The following FNIP2 variants were observed in gnomAD, a reference collection of about 807,000 sequenced individuals.
The protein encoded by FNIP2 is folliculin-interacting protein 2.
FNIP2 carries 32 observed loss-of-function variants against 108.7 expected under a neutral mutation model. The observed-to-expected ratio is 0.29, with a 90% CI of 0.22 to 0.40. FNIP2 has a LOEUF of 0.40. Ranked by LOEUF, FNIP2 falls within the 10% of genes least tolerant of loss-of-function variation. FNIP2 has a pLI of 1.00. For missense variants in FNIP2, 1,202 were observed against 1,381.6 expected (o/e 0.87, Z 2.06); for synonymous variants, 480 against 496.7 (o/e 0.97, Z 0.45).
At position 158,859,644 on chromosome 4, in the gene FNIP2, A is replaced by G; in HGVS notation, c.1126A>G (p.Met376Val). 6.2e-7 allele frequency: 1 copy of G among 1,613,380 alleles called. No homozygotes were observed. The highest frequency in any genetic ancestry group is 1.3e-5 in the African/African-American group (1 of 75,030). ...LRVQFYVSRL[M>V]EALGEFRGTI... The stretch of plus-strand genomic sequence containing the variant: ...AGTCCAGTTTTATGTCAGCCGTTTG[A>G]TGGAAGCTCTGGGAGAATTCAGGTA... The change falls in exon 10 of 17, where the codon ATG becomes GTG. Residue 376 changes from methionine to valine, a missense_variant. Transcript: ENST00000264433.
Position 158,868,918 on chromosome 4 carries a change from C to T in FNIP2, c.2282C>T (p.Pro761Leu), listed in dbSNP as rs370786885. The T allele has an allele frequency of 1.4e-5, 23 of 1,613,936 alleles. No homozygotes were observed. Among genetic ancestry groups the T allele is most frequent in the South Asian group, 2.2e-5 (2 of 91,080 alleles). Residue 761 changes from proline (P) to leucine (L), a missense_variant, in exon 13 of 17, where the codon CCG (proline) becomes CTG (leucine). By Grantham distance (98) the Pro-to-Leu change is moderately conservative. This residue lies in a region of FNIP2 where 878 missense variants were observed against 990.3 expected (regional missense o/e 0.89). Transcript: ENST00000264433. The surrounding 1 kb of genome is among the most constrained non-coding windows in gnomAD (Gnocchi z 4.6). ...ASEAADVAQDPQVSRSPFKPG... is the reference protein window; with the variant it reads ...ASEAADVAQDLQVSRSPFKPG... ...GAGGCTGCTGATGTGGCTCAGGACCCGCAGGTTTCTAGGAGCCCTTTTAAA... is the reference window on the plus strand; with the variant it reads ...GAGGCTGCTGATGTGGCTCAGGACCTGCAGGTTTCTAGGAGCCCTTTTAAA...
chr4:158,836,279 TA>T (rs1479735244), intron 7 of FNIP2: 1 of 152,234 alleles, frequency 6.6e-6, no homozygotes, highest in Non-Finnish European at 1.5e-5. Flanking sequence ...CTGTCCACAC[TA>T]CTCCAAGGTC....
chr4:158,787,282 G>C (rs896962370), intron 1 of FNIP2, among the ~76,000 whole-genome samples: 4 of 152,168 alleles, frequency 2.6e-5, no homozygotes, highest in African/African-American at 7.2e-5. Context: ...ACTGAAGTTG[G>C]GAATTACATG....
chr4:158,859,286 T>A (rs754018559), intron 9 of FNIP2, 28 bp downstream of exon 9: 25 of 1,568,272 alleles, frequency 1.6e-5, no homozygotes, highest in Middle Eastern at 1.9e-4. Flanking sequence ...CAAAGTCAAA[T>A]AGAGAAGTGA....
intron 2 of FNIP2, among the ~76,000 whole-genome samples, chr4:158,827,079 G>A (rs939776642): frequency 6.6e-6 from 1 of 152,296 alleles, no homozygotes; most frequent in Admixed American, 6.5e-5. Flanking sequence ...TTTTAAAGTG[G>A]AGTTCTGCCA....
At chr4:158,898,994 C>A (rs1235020339) in intron 16 of FNIP2, among the ~76,000 whole-genome samples, 1 of 152,104 alleles carries the variant, frequency 6.6e-6, no homozygotes, top group Non-Finnish European at 1.5e-5. Context: ...AGAAATAGCT[C>A]TTATTATTTT....
intron 1 of FNIP2, among the ~76,000 whole-genome samples, chr4:158,803,711 C>T (rs1199182956): frequency 5.9e-5 from 9 of 152,096 alleles, no homozygotes; most frequent in Non-Finnish European, 1.3e-4. Flanking sequence ...GGCATTTTCA[C>T]TTTTAAAAAA....
chr4:158,770,142 T>G (rs1775647730), intron 1 of FNIP2, among the ~76,000 whole-genome samples: 1 of 151,446 alleles, frequency 6.6e-6, no homozygotes, highest in African/African-American at 2.4e-5. Flanking sequence ...AAAATCCAGC[T>G]GTCAGTGGTA....
At chr4:158,849,416 T>C (rs1479058653) in intron 7 of FNIP2, among the ~76,000 whole-genome samples, 1 of 152,166 alleles carries the variant, frequency 6.6e-6, no homozygotes, top group East Asian at 1.9e-4. Flanking sequence ...GGTATCATTT[T>C]CTGAGCCCTA....
rs778376794 is a variant in FNIP2, at chr4:158,891,491, G to A, written c.2995G>A (p.Ala999Thr). 1.9e-6 allele frequency: 3 copies of A among 1,607,950 alleles called. No individual in the cohort carries two copies. The highest frequency in any genetic ancestry group is 2.5e-6 in the Non-Finnish European group (3 of 1,177,102). Reference sequence around the variant, plus strand: ...AATAGCTGAAGCTGTCTGTATTATCGCAGACACGGATAAATGGAGTGTGCA... The same window carrying A: ...AATAGCTGAAGCTGTCTGTATTATCACAGACACGGATAAATGGAGTGTGCA... Reference protein sequence around the residue: ...EPIAEAVCIIADTDKWSVQVA... With the variant: ...EPIAEAVCIITDTDKWSVQVA... The change falls in exon 15 of 17, where the codon GCA (alanine) becomes ACA (threonine). Residue 999 changes from alanine to threonine, a missense_variant. Transcript: ENST00000264433.
intron 8 of FNIP2, 89 bp from the exon 9 acceptor site, chr4:158,858,968 G>A (rs1780138172): frequency 9.8e-7 from 1 of 1,019,108 alleles, no homozygotes; most frequent in Admixed American, 2.0e-5. Context: ...ATGACTGAAT[G>A]TTCTGGGTGT....
Position 158,769,212 on chromosome 4 carries a change from C to A in FNIP2, c.-1C>A. On this transcript the variant is annotated 5_prime_UTR_variant, in exon 1 of 17. Transcript: ENST00000264433. ...ACGGCCGGAGCTGCGGCGGCGGCAT[C>A]ATGGCCCCGACCCTGCTCCAGAAGC... is the stretch of plus-strand genomic sequence containing the variant. The A allele has an allele frequency of 7.0e-7, 1 of 1,432,750 alleles. No homozygotes were observed. The highest frequency in any genetic ancestry group is 9.2e-7 in the Non-Finnish European group (1 of 1,087,750). The allele number at this position is 1,432,750 out of a possible 1,614,324, so 88.8% of individuals were successfully genotyped here. A position where few individuals can be genotyped will look rare whatever the true frequency, so the allele number is the denominator to read the frequency against.
chr4:158,870,002 C>G (rs547483329), intron 13 of FNIP2, among the ~76,000 whole-genome samples: 1 of 152,234 alleles, frequency 6.6e-6, no homozygotes. Context: ...TAAAGCCAGG[C>G]TTTTGGCAAG....
At chr4:158,896,653 C>T (rs142785150) in intron 16 of FNIP2, among the ~76,000 whole-genome samples, 4 of 152,240 alleles carry the variant, frequency 2.6e-5, no homozygotes, top group East Asian at 1.9e-4. Context: ...CAGAATGTGA[C>T]GCCTGTGTTG....
chr4:158,792,982 G>A (rs1431526835), intron 1 of FNIP2, among the ~76,000 whole-genome samples: 1 of 152,220 alleles, frequency 6.6e-6, no homozygotes, highest in Non-Finnish European at 1.5e-5. Context: ...CTGGAAGATT[G>A]TATGAAGTCA....
intron 5 of FNIP2, 34 bp from the exon 6 acceptor site, chr4:158,833,494 T>C (rs770959819): frequency 7.1e-7 from 1 of 1,399,350 alleles, no homozygotes; most frequent in South Asian, 1.3e-5. Flanking sequence ...GTTTTTGTCC[T>C]CTTTCTCCTT....
chr4:158,895,292 TG>T (rs1237993172), intron 15 of FNIP2, among the ~76,000 whole-genome samples: 1 of 152,092 alleles, frequency 6.6e-6, no homozygotes, highest in Non-Finnish European at 1.5e-5. Flanking sequence ...TCTGAGCTAT[TG>T]GGGGAAAAAA....
chr4:158,904,352 A>ATAATC lies in FNIP2; in HGVS notation c.3267-111_3267-107dup, dbSNP rs1729637211. The ATAATC allele has an allele frequency of 5.5e-6, 5 of 908,952 alleles. No individual in the cohort carries two copies. The East Asian group carries it at 7.8e-5, about 14-fold the overall frequency. The allele number at this position is 908,952 out of a possible 1,614,324, so 56.3% of individuals were successfully genotyped here. A position where few individuals can be genotyped will look rare whatever the true frequency, so the allele number is the denominator to read the frequency against. ...TTTGCTTTTTCATTAGTTTTAAATG[A>ATAATC]TAATCTATCAAACTTAGTACCTAGA... On this transcript the variant is annotated intron_variant, in intron 16 of 16. Transcript: ENST00000264433.
In FNIP2 at chr4:158,877,265, C is replaced by T. The variant is rs75047874; in HGVS notation, c.2949+6796C>T. On this transcript the variant is annotated intron_variant, in intron 14 of 16. Coordinates refer to ENST00000264433, the MANE Select transcript of FNIP2 (RefSeq NM_020840.3). ...TGGGCCCTAATCAGGTGAGCACAGGCACAGATACACAGAAGATCAGACATT... is the reference window on the plus strand; with the variant it reads ...TGGGCCCTAATCAGGTGAGCACAGGTACAGATACACAGAAGATCAGACATT... Among the ~76,000 whole-genome samples, 372 of 152,256 alleles carry T rather than the reference C, an allele frequency of 2.4e-3. 1 individual carries two copies. Among genetic ancestry groups the T allele is most frequent in the Middle Eastern group, 0.01 (3 of 294 alleles).
Sources: allele counts gnomAD v4.1 joint callset (sites outside exome capture counted in the v4.1 genomes callset), GRCh38; gene constraint gnomAD v4.1.1; regional missense constraint gnomAD v4.1.1; non-coding constraint Gnocchi (gnomAD v3.1); transcripts MANE v1.5; gene names NCBI Gene and HGNC (gene_info 2026-07-23, HGNC 2026-07-21).